The following PTPN11 variants were observed in gnomAD, a reference collection of about 807,000 sequenced individuals.
PTPN11 encodes the protein tyrosine-protein phosphatase non-receptor type 11.
PTPN11 carries 6 observed loss-of-function variants against 78.8 expected under a neutral mutation model. That is an observed-to-expected ratio of 0.08 (90% CI 0.04 to 0.15). PTPN11 has a LOEUF of 0.15. Among genes scored for constraint, PTPN11 ranks in the 10% least tolerant of loss-of-function variants. The pLI, the probability that PTPN11 is intolerant of heterozygous loss-of-function variation, is 1.00. For synonymous variants in PTPN11, 221 were observed against 263.5 expected, an observed-to-expected ratio of 0.84 and a Z score of 1.56; for missense variants, 386 against 744.8, an observed-to-expected ratio of 0.52 and a Z score of 5.61.
chr12:112,459,433 C>CTT (rs200008574), intron 6 of PTPN11, among the ~76,000 whole-genome samples: 3 of 141,798 alleles, frequency 2.1e-5, no homozygotes, highest in East Asian at 2.1e-4. Context: ...GAAGCAAATA[C>CTT]TTTTTTTTTT....
At chr12:112,454,756 C>T (rs2038128943) in intron 5 of PTPN11, 76 bp downstream of exon 5, 2 of 969,968 alleles carry the variant, frequency 2.1e-6, no homozygotes, top group Non-Finnish European at 3.3e-6. Context: ...TGCAAACATA[C>T]AGAGGTAGAC....
At chr12:112,454,770 A>G (rs1443995885) in intron 5 of PTPN11, 90 bp downstream of exon 5, 4 of 880,494 alleles carry the variant, frequency 4.5e-6, no homozygotes, top group Admixed American at 1.9e-5. Flanking sequence ...GGTAGACAGA[A>G]TAGTATCATC....
At chr12:112,433,379 T>C (rs934781757) in intron 1 of PTPN11, among the ~76,000 whole-genome samples, 2 of 152,186 alleles carry the variant, frequency 1.3e-5, no homozygotes, top group Non-Finnish European at 2.9e-5. Context: ...GTACGCTCCA[T>C]GATGTTACCA....
Position 112,482,476 on chromosome 12 carries a change from T to C in PTPN11, c.1224+271T>C, listed in dbSNP as rs1190322886. Among the ~76,000 whole-genome samples the C allele has an allele frequency of 6.6e-6, 1 of 152,150 alleles. No homozygotes were observed. The highest frequency in any genetic ancestry group is 1.5e-5 in the Non-Finnish European group (1 of 68,022). On this transcript the variant is annotated intron_variant, in intron 10 of 15. Transcript: ENST00000351677. The surrounding 1 kb of genome is among the most constrained non-coding windows in gnomAD (Gnocchi z 4.4). ...CTGGCCAGGCGCCGTGGCTCAGGCC[T>C]GTAATCCCAGCACTTTGGGAGGCTG...
chr12:112,487,115 TTCTCTCTC>T (rs371088967), intron 11 of PTPN11, among the ~76,000 whole-genome samples: 47 of 150,710 alleles, frequency 3.1e-4, no homozygotes, highest in African/African-American at 1.1e-3. Flanking sequence ...TGTGATTCTG[TTCTCTCTC>T]TCTCTCTCTC....
At chr12:112,483,045 C>A (rs1285515333) in intron 10 of PTPN11, among the ~76,000 whole-genome samples, 4 of 152,132 alleles carry the variant, frequency 2.6e-5, no homozygotes, top group African/African-American at 9.7e-5. Flanking sequence ...CAGATGGAAT[C>A]CCTGCACTCC....
At chr12:112,453,747 G>A in intron 4 of PTPN11, among the ~76,000 whole-genome samples, 1 of 151,310 alleles carries the variant, frequency 6.6e-6, no homozygotes, top group Non-Finnish European at 1.5e-5. Context: ...AACCTCCCTG[G>A]GCTCAGTTGA....
intron 1 of PTPN11, among the ~76,000 whole-genome samples, chr12:112,437,066 G>A (rs2037804232): frequency 6.6e-6 from 1 of 152,016 alleles, no homozygotes; most frequent in South Asian, 2.1e-4. Flanking sequence ...GTCATAGAAA[G>A]CCTTTCCTTA....
intron 1 of PTPN11, among the ~76,000 whole-genome samples, chr12:112,439,802 CA>C (rs1216683651): frequency 0.016 from 2,159 of 135,728 alleles, 51 homozygotes; most frequent in African/African-American, 0.056. Context: ...AAAACAAAAA[CA>C]AAAAAAAAAA....
At position 112,436,794 on chromosome 12, in the gene PTPN11, A is replaced by T. The variant is rs918093937; in HGVS notation, c.15-9482A>T. ...AGTTGTCCGCCTCTGAATGGAGTTG[A>T]ATTTAAGTTTCTTGGTTTCCAAAGA... On this transcript the variant is annotated intron_variant, in intron 1 of 15. Transcript: ENST00000351677. 7.3e-5 allele frequency among the ~76,000 whole-genome samples: 11 copies of T among 151,518 alleles called. No homozygotes were observed. The East Asian group carries it at 2.1e-3, about 29-fold the overall frequency.
chr12:112,463,676 T>C (rs1437812217), intron 6 of PTPN11, among the ~76,000 whole-genome samples: 2 of 152,084 alleles, frequency 1.3e-5, no homozygotes, highest in Non-Finnish European at 2.9e-5. Context: ...AAGGGAAAAA[T>C]TGAGTTGACT....
intron 1 of PTPN11, among the ~76,000 whole-genome samples, chr12:112,420,546 G>A (rs1421025470): frequency 2.0e-5 from 3 of 152,052 alleles, no homozygotes; most frequent in Non-Finnish European, 4.4e-5. Context: ...GTTTCACTAT[G>A]TTGGCCAGGC....
chr12:112,438,272 C>T (rs2037826021), intron 1 of PTPN11, among the ~76,000 whole-genome samples: 1 of 152,024 alleles, frequency 6.6e-6, no homozygotes, highest in South Asian at 2.1e-4. Context: ...TTTGGGCATT[C>T]TCTTTAAGTT....
chr12:112,473,533 T>C (rs553208072), intron 7 of PTPN11, among the ~76,000 whole-genome samples: 1 of 152,188 alleles, frequency 6.6e-6, no homozygotes, highest in East Asian at 1.9e-4. Context: ...AGAAAGGGTA[T>C]ATACCTAAAC....
Position 112,419,094 on chromosome 12 carries a change from C to A in PTPN11, c.-18C>A. On this transcript the variant is annotated 5_prime_UTR_variant, in exon 1 of 16. Coordinates refer to ENST00000351677, the MANE Select transcript of PTPN11 (RefSeq NM_002834.5). ...AGCAAGGAGCGGGTCCGTCGCGGAG[C>A]CGGAGGGCGGGAGGAACATGACATC... 6.5e-7 allele frequency: 1 copy of A among 1,532,084 alleles called. No individual in the cohort carries two copies. The highest frequency in any genetic ancestry group is 1.2e-5 in the South Asian group (1 of 82,654). The allele number at this position is 1,532,084 out of a possible 1,614,324, so 94.9% of individuals were successfully genotyped here.
chr12:112,446,456 A>T, intron 2 of PTPN11, 58 bp downstream of exon 2: 1 of 1,611,354 alleles, frequency 6.2e-7, no homozygotes, highest in Non-Finnish European at 8.5e-7. Context: ...GAAGTGGTAA[A>T]ACCATGCTTG....
rs1448612134 is a variant in PTPN11 at position 112,509,904 on chromosome 12, TC to T, written c.*4113del. ...CTAAAAATTAGGAATAAAACCATTT[TC>T]TTATATGATGGCATTTGTCGTTTGC... On this transcript the variant is annotated 3_prime_UTR_variant, in exon 16 of 16. Coordinates refer to ENST00000351677, the MANE Select transcript of PTPN11 (RefSeq NM_002834.5). The T allele has an allele frequency of 3.3e-5, 5 of 152,280 alleles. No individual in the cohort carries two copies. The highest frequency in any genetic ancestry group is 6.5e-5 in the Admixed American group (1 of 15,276). The allele number at this position is 152,280 out of a possible 1,614,324, so 9.4% of individuals were successfully genotyped here. A position where few individuals can be genotyped will look rare whatever the true frequency, so the allele number is the denominator to read the frequency against.
At chr12:112,457,171 G>A in intron 6 of PTPN11, 1 of 334,260 alleles carries the variant, frequency 3.0e-6, no homozygotes, top group South Asian at 2.2e-5. Flanking sequence ...CACTTTGAGA[G>A]GGTGAGGCAG....
Position 112,507,606 on chromosome 12 carries a change from C to T in PTPN11, c.*1814C>T, listed in dbSNP as rs898040804. ...GTTGAATCATCCAGTGCGGATATTT[C>T]AATGAAAATATCATTGGTTGACTTT... On this transcript the variant is annotated 3_prime_UTR_variant, in exon 16 of 16. Transcript: ENST00000351677. The T allele has an allele frequency of 2.0e-5, 3 of 152,786 alleles. No individual in the cohort carries two copies. Among genetic ancestry groups the T allele is most frequent in the African/African-American group, 7.2e-5 (3 of 41,452 alleles). The allele number at this position is 152,786 out of a possible 1,614,324, so 9.5% of individuals were successfully genotyped here.
Sources: gnomAD v4.1 joint callset for allele counts (sites outside exome capture counted in the v4.1 genomes callset) on GRCh38, gnomAD v4.1.1 for gene constraint, Gnocchi (gnomAD v3.1) non-coding constraint, MANE v1.5 for transcripts, NCBI Gene and HGNC (gene_info 2026-07-23, HGNC 2026-07-21) for gene names.